Variants in SGCD observed in about 807,000 individuals in gnomAD.
The protein encoded by SGCD is sarcoglycan delta.
In SGCD, 18 loss-of-function variants were observed where a neutral mutation model predicts 36.6. The observed-to-expected ratio is 0.49, with a 90% confidence interval of 0.34 to 0.73. The LOEUF is 0.73. Among genes scored for constraint, SGCD ranks in the 30% least tolerant of loss-of-function variants. The probability of loss-of-function intolerance (pLI) is 0.01; values close to 1 mark genes in which losing one functional copy is unlikely to be tolerated. For synonymous variants in SGCD, 133 were observed against 130.6 expected, an observed-to-expected ratio of 1.02 and a Z score of -0.12; for missense variants, 387 against 346.7, an observed-to-expected ratio of 1.12 and a Z score of -0.92.
At chr5:156,493,412 A>T (rs140873966) in intron 3 of SGCD, among the ~76,000 whole-genome samples, 1 of 152,288 alleles carries the variant, frequency 6.6e-6, no homozygotes, top group African/African-American at 2.4e-5. Context: ...TCAACTTGAC[A>T]TGTAAAATGA....
chr5:156,610,195 T>G (rs1761721386), intron 6 of SGCD, among the ~76,000 whole-genome samples: 1 of 152,160 alleles, frequency 6.6e-6, no homozygotes, highest in Non-Finnish European at 1.5e-5. Context: ...TGGTCTTTGA[T>G]GATGGTGATG....
Position 156,543,865 on chromosome 5 carries a change from T to G in SGCD, c.294+35163T>G, listed in dbSNP as rs534303694. ...CTGTGATTGTAGGGAAACTTTTTCA[T>G]AAACTCTGGTAGACCCTATGGAATT... On this transcript the variant is annotated intron_variant, in intron 4 of 8. Coordinates refer to ENST00000337851, the MANE Select transcript of SGCD (RefSeq NM_000337.6). Among the ~76,000 whole-genome samples, 41 of 152,296 alleles carry G rather than the reference T, an allele frequency of 2.7e-4. No individual in the cohort carries two copies. In the South Asian group the frequency reaches 7.7e-3, roughly 29 times the overall value.
chr5:156,056,645 T>TAAAAAAAAAAAAAAAAAAAA (rs561328077), intron 1 of SGCD, among the ~76,000 whole-genome samples: 2 of 68,278 alleles, frequency 2.9e-5, no homozygotes, highest in East Asian at 6.4e-4. Context: ...AAATTATCCT[T>TAAAAAAAAAAAAAAAAAAAA]AAAAAAAAAA....
intron 3 of SGCD, among the ~76,000 whole-genome samples, chr5:156,222,974 G>A (rs1764755437): frequency 6.6e-6 from 1 of 151,904 alleles, no homozygotes; most frequent in African/African-American, 2.4e-5. Flanking sequence ...CACCTCCCTG[G>A]TACATTGACC....
intron 3 of SGCD, among the ~76,000 whole-genome samples, chr5:156,456,974 C>T (rs1754290599): frequency 6.6e-6 from 1 of 152,186 alleles, no homozygotes; most frequent in South Asian, 2.1e-4. Flanking sequence ...AACTTGGTCT[C>T]AGTGAACATG....
chr5:156,159,082 T>G (rs1394457419), intron 3 of SGCD, among the ~76,000 whole-genome samples: 1 of 151,652 alleles, frequency 6.6e-6, no homozygotes, highest in African/African-American at 2.4e-5. Flanking sequence ...TATTAGCGTA[T>G]GTGACCAGCA....
intron 3 of SGCD, among the ~76,000 whole-genome samples, chr5:156,287,635 G>C (rs1019809799): frequency 2.0e-5 from 3 of 149,450 alleles, no homozygotes; most frequent in African/African-American, 7.3e-5. Flanking sequence ...CTTTGTGTGT[G>C]TGTGTGTGTG....
At chr5:155,740,126 C>G in the SGCD span, among the ~76,000 whole-genome samples, 1 of 152,100 alleles carries the variant, frequency 6.6e-6, no homozygotes, top group Non-Finnish European at 1.5e-5. Flanking sequence ...AGAGACAGGG[C>G]CTTGCTCTGT....
At chr5:156,030,864 A>G (rs1175182006) in intron 1 of SGCD, among the ~76,000 whole-genome samples, 2 of 152,222 alleles carry the variant, frequency 1.3e-5, no homozygotes, top group Admixed American at 6.5e-5. Context: ...AGAAACACAC[A>G]TAGAATATAC....
intron 7 of SGCD, among the ~76,000 whole-genome samples, chr5:156,729,739 A>C (rs1581482492): frequency 2.0e-5 from 3 of 152,190 alleles, no homozygotes. Flanking sequence ...TATTCTCGTT[A>C]CCAGCCATAG....
At chr5:155,867,521 T>A (rs1755547033), upstream of SGCD, among the ~76,000 whole-genome samples, 1 of 152,168 alleles carries the variant, frequency 6.6e-6, no homozygotes, top group Non-Finnish European at 1.5e-5. Flanking sequence ...ACATGTGGCA[T>A]TGAACGGCAG....
intron 1 of SGCD, among the ~76,000 whole-genome samples, chr5:156,091,842 T>A (rs1761252043): frequency 6.6e-6 from 1 of 152,226 alleles, no homozygotes; most frequent in Non-Finnish European, 1.5e-5. Context: ...CCAGGCTAAA[T>A]TTTTATGCTT....
intron 3 of SGCD, among the ~76,000 whole-genome samples, chr5:156,192,693 G>C (rs1763921378): frequency 6.6e-6 from 1 of 151,524 alleles, no homozygotes; most frequent in Non-Finnish European, 1.5e-5. Context: ...ACCCTGACTT[G>C]ATTATTACAC....
At chr5:155,841,955 C>A in the SGCD span, among the ~76,000 whole-genome samples, 2 of 152,050 alleles carry the variant, frequency 1.3e-5, no homozygotes, top group Non-Finnish European at 2.9e-5. Context: ...CAATAGAAAT[C>A]CTTTTGGGCT....
At chr5:155,872,003 C>A (rs945680762) in intron 1 of SGCD, among the ~76,000 whole-genome samples, 2 of 152,116 alleles carry the variant, frequency 1.3e-5, no homozygotes, top group Non-Finnish European at 2.9e-5. Context: ...ATAATGTGAG[C>A]CAGGCAGTTG....
intron 7 of SGCD, among the ~76,000 whole-genome samples, chr5:156,657,549 G>T (rs907954567): frequency 6.6e-6 from 1 of 151,612 alleles, no homozygotes; most frequent in East Asian, 1.9e-4. Flanking sequence ...GATCACCTGA[G>T]CTCAGGAGTT....
intron 1 of SGCD, among the ~76,000 whole-genome samples, chr5:155,963,547 G>C (rs1020940351): frequency 6.6e-6 from 1 of 151,910 alleles, no homozygotes; most frequent in African/African-American, 2.4e-5. Flanking sequence ...CTTCATACTA[G>C]GTATTGTCCT....
At chr5:156,126,568 G>A (rs1245661615) in intron 3 of SGCD, among the ~76,000 whole-genome samples, 1 of 152,126 alleles carries the variant, frequency 6.6e-6, no homozygotes, top group African/African-American at 2.4e-5. Context: ...GCCTGTGTCT[G>A]TTCACAGACC....
chr5:155,757,403 G>A, the SGCD span, among the ~76,000 whole-genome samples: 1 of 152,156 alleles, frequency 6.6e-6, no homozygotes, highest in African/African-American at 2.4e-5. Flanking sequence ...CAGGCTAAAT[G>A]TTTTGCATAT....
Sources: gnomAD v4.1 joint callset for allele counts (sites outside exome capture counted in the v4.1 genomes callset) on GRCh38, gnomAD v4.1.1 for gene constraint, MANE v1.5 for transcripts, NCBI Gene and HGNC (gene_info 2026-07-23, HGNC 2026-07-21) for gene names.